Variants in PRSS16 observed in about 807,000 individuals in gnomAD.
PRSS16 encodes the protein serine protease 16.
In PRSS16, 43 loss-of-function variants were observed where a neutral mutation model predicts 61.7. That is an observed-to-expected ratio of 0.70 (90% CI 0.55 to 0.90). The LOEUF is 0.90. Among genes scored for constraint, PRSS16 ranks in the 40% least tolerant of loss-of-function variants. The pLI, the probability that PRSS16 is intolerant of heterozygous loss-of-function variation, is 0.00. For missense variants in PRSS16, 591 were observed against 659.1 expected (o/e 0.90, Z 1.13); for synonymous variants, 273 against 285.2 (o/e 0.96, Z 0.43).
chr6:27,248,728 A>T, intron 2 of PRSS16, 119 bp from the exon 3 acceptor site: 1 of 599,164 alleles, frequency 1.7e-6, no homozygotes. Flanking sequence ...AGCTCATTTC[A>T]GACACTGTTA....
At chr6:27,253,614 T>C (rs1397962428) in intron 9 of PRSS16, 12 of 300,150 alleles carry the variant, frequency 4.0e-5, no homozygotes, top group Non-Finnish European at 6.1e-5. Flanking sequence ...AACAGATTTT[T>C]TTTTAGTATA....
chr6:27,250,807 G>T lies in PRSS16; in HGVS notation c.591+1G>T, dbSNP rs1248573312. ...CTTGGCCGCCTGGGCCCGGCTGAAGGTCCTGCGACTCCTCCGGGTGGGCTG... is the reference window on the plus strand; with the variant it reads ...CTTGGCCGCCTGGGCCCGGCTGAAGTTCCTGCGACTCCTCCGGGTGGGCTG... On this transcript the variant is annotated splice_donor_variant, in intron 5 of 11. Transcript: ENST00000230582. LOFTEE classifies it high-confidence loss of function. 5.6e-6 allele frequency: 9 copies of T among 1,606,632 alleles called. No individual in the cohort carries two copies. Among genetic ancestry groups the T allele is most frequent in the African/African-American group, 1.3e-5 (1 of 74,776 alleles).
chr6:27,252,159 A>C lies in PRSS16; in HGVS notation c.1008+119A>C. ...TGAAACTTCGTTTTCTCATCTGTAA[A>C]ATGGGGATAACACTTCACAGGGCCG... is the stretch of plus-strand genomic sequence containing the variant. On this transcript the variant is annotated intron_variant, in intron 8 of 11. Transcript: ENST00000230582. This position sits in a 1 kb window ranked among gnomAD's most constrained non-coding sequence, Gnocchi z 4.2. 1 of 1,236,288 alleles carries C rather than the reference A, an allele frequency of 8.1e-7. No individual in the cohort carries two copies. 76.6% of individuals were successfully genotyped at this position (1,236,288 alleles called of 1,614,324 possible).
rs769589835 is a variant in PRSS16 at position 27,251,046 on chromosome 6, C to T, written c.596C>T (p.Pro199Leu). 1 of 1,613,964 alleles carries T rather than the reference C, an allele frequency of 6.2e-7. No individual in the cohort carries two copies. Among genetic ancestry groups the T allele is most frequent in the South Asian group, 1.1e-5 (1 of 91,084 alleles). Residue 199 changes from proline to leucine, a missense_variant, in exon 6 of 12, where the codon CCC becomes CTC. Transcript: ENST00000230582. This position sits in a 1 kb window ranked among gnomAD's most constrained non-coding sequence, Gnocchi z 5.6. ...TGACGGCGTCTCCTCCCTTAGTTCCCCCATCTCATTTTCGCGTCGGTCGCC... is the reference window on the plus strand; with the variant it reads ...TGACGGCGTCTCCTCCCTTAGTTCCTCCATCTCATTTTCGCGTCGGTCGCC... ...SLAAWARLKFPHLIFASVASS... is the reference protein window; with the variant it reads ...SLAAWARLKFLHLIFASVASS...
In PRSS16 at chr6:27,251,477, T is replaced by G; in HGVS notation, c.717+213T>G. ...GGCGCTCCCCAGAGAGGGCGGGGTT[T>G]GGGCAGGGACAATCCTATCCGGAGG... is the stretch of plus-strand genomic sequence containing the variant. On this transcript the variant is annotated intron_variant, in intron 7 of 11. Transcript: ENST00000230582. This position sits in a 1 kb window ranked among gnomAD's most constrained non-coding sequence, Gnocchi z 5.6. The G allele has an allele frequency of 1.3e-6, 1 of 747,468 alleles. No homozygotes were observed. 46.3% of individuals were successfully genotyped at this position (747,468 alleles called of 1,614,324 possible).
At position 27,251,315 on chromosome 6, in the gene PRSS16, G is replaced by C. The variant is rs1183864659; in HGVS notation, c.717+51G>C. On this transcript the variant is annotated intron_variant, in intron 7 of 11. Coordinates refer to ENST00000230582, the MANE Select transcript of PRSS16 (RefSeq NM_005865.4). The surrounding 1 kb of genome is among the most constrained non-coding windows in gnomAD (Gnocchi z 5.6). ...GGGACTGGGAGGGAAAAGAGGCCTC[G>C]GATGCCAGGGAAGAGGAGGCCAGAG... The C allele has an allele frequency of 6.5e-7, 1 of 1,545,620 alleles. No individual in the cohort carries two copies. The highest frequency in any genetic ancestry group is 8.7e-7 in the Non-Finnish European group (1 of 1,148,270).
Position 27,251,521 on chromosome 6 carries a change from G to A in PRSS16, c.718-229G>A. On this transcript the variant is annotated intron_variant, in intron 7 of 11. Coordinates refer to ENST00000230582, the MANE Select transcript of PRSS16 (RefSeq NM_005865.4). This position sits in a 1 kb window ranked among gnomAD's most constrained non-coding sequence, Gnocchi z 5.6. ...CCGGAGGTGAGGCTCAAGGTGGGGC[G>A]GGGCCACAATGGAGGACGGGGCCTG... The A allele has an allele frequency of 1.4e-6, 1 of 729,350 alleles. No individual in the cohort carries two copies. The highest frequency in any genetic ancestry group is 2.1e-5 in the South Asian group (1 of 48,558). The allele number at this position is 729,350 out of a possible 1,614,324, so 45.2% of individuals were successfully genotyped here.
In PRSS16 at chr6:27,251,051, C is replaced by G; in HGVS notation, c.601C>G (p.Leu201Val). ...GCGTCTCCTCCCTTAGTTCCCCCAT[C>G]TCATTTTCGCGTCGGTCGCCTCCTC... ...AAWARLKFPH[L>V]IFASVASSAP... Residue 201 changes from leucine (L) to valine (V), a missense_variant, in exon 6 of 12, where the codon CTC (leucine) becomes GTC (valine). Coordinates refer to ENST00000230582, the MANE Select transcript of PRSS16 (RefSeq NM_005865.4). The surrounding 1 kb of genome is among the most constrained non-coding windows in gnomAD (Gnocchi z 5.6). 1 of 1,613,996 alleles carries G rather than the reference C, an allele frequency of 6.2e-7. No homozygotes were observed. The highest frequency in any genetic ancestry group is 8.5e-7 in the Non-Finnish European group (1 of 1,180,052).
rs965043796 is a variant in PRSS16 at position 27,249,367 on chromosome 6, T to C, written c.467+138T>C. ...TGGTTCCCTCTGTTTTCTTCTGTGT[T>C]TCATAGGGTCTTGTTTTTTCTCTTT... On this transcript the variant is annotated intron_variant, in intron 4 of 11. Coordinates refer to ENST00000230582, the MANE Select transcript of PRSS16 (RefSeq NM_005865.4). The C allele has an allele frequency of 1.5e-5, 17 of 1,139,570 alleles. No homozygotes were observed. The African/African-American group carries it at 1.9e-4, about 13-fold the overall frequency. The allele number at this position is 1,139,570 out of a possible 1,614,324, so 70.6% of individuals were successfully genotyped here.
chr6:27,252,704 C>T lies in PRSS16; in HGVS notation c.1009-104C>T, dbSNP rs1451397018. On this transcript the variant is annotated intron_variant, in intron 8 of 11. Coordinates refer to ENST00000230582, the MANE Select transcript of PRSS16 (RefSeq NM_005865.4). This position sits in a 1 kb window ranked among gnomAD's most constrained non-coding sequence, Gnocchi z 4.2. ...TCCCAGGAGAACTCAGGAACTCACC[C>T]TTCTATTTCTGACTTTTGACCTCTG... is the stretch of plus-strand genomic sequence containing the variant. 3.2e-5 allele frequency: 42 copies of T among 1,304,210 alleles called. No homozygotes were observed. The highest frequency in any genetic ancestry group is 4.3e-5 in the Non-Finnish European group (40 of 932,086). 80.8% of individuals were successfully genotyped at this position (1,304,210 alleles called of 1,614,324 possible).
Position 27,251,618 on chromosome 6 carries a change from C to A in PRSS16, c.718-132C>A. 1 of 1,025,822 alleles carries A rather than the reference C, an allele frequency of 9.7e-7. No individual in the cohort carries two copies. Among genetic ancestry groups the A allele is most frequent in the Non-Finnish European group, 1.3e-6 (1 of 742,328 alleles). 63.5% of individuals were successfully genotyped at this position (1,025,822 alleles called of 1,614,324 possible). ...GGGGGCCTGGGGGCGGGGGCCTGGG[C>A]CAAGAGCTAGGTCTGCACCCTCTGA... On this transcript the variant is annotated intron_variant, in intron 7 of 11. Transcript: ENST00000230582. This position sits in a 1 kb window ranked among gnomAD's most constrained non-coding sequence, Gnocchi z 5.6.
Position 27,250,869 on chromosome 6 carries a change from G to C in PRSS16, c.591+63G>C. 3 of 1,565,984 alleles carry C rather than the reference G, an allele frequency of 1.9e-6. No individual in the cohort carries two copies. The South Asian group carries it at 3.6e-5, about 19-fold the overall frequency. ...CTCGGACTCCAGGGCCCCAGTCTCA[G>C]ATAATAGGAATACCCTCCCACCACG... On this transcript the variant is annotated intron_variant, in intron 5 of 11. Transcript: ENST00000230582.
chr6:27,254,511 C>A, intron 9 of PRSS16, 182 bp from the exon 10 acceptor site: 1 of 617,642 alleles, frequency 1.6e-6, no homozygotes, highest in Non-Finnish European at 2.8e-6. Context: ...CCATCACAGC[C>A]CTGATCACTG....
chr6:27,253,321 C>T, intron 9 of PRSS16: 1 of 333,636 alleles, frequency 3.0e-6, no homozygotes, highest in East Asian at 7.3e-5. Context: ...CCTCACTCTG[C>T]ATGGACAACT....
chr6:27,251,046 C>CGA lies in PRSS16; in HGVS notation c.596_597insGA (p.His200ThrfsTer31), dbSNP rs1759876696. ...TGACGGCGTCTCCTCCCTTAGTTCC[C>CGA]CCATCTCATTTTCGCGTCGGTCGCC... On this transcript the variant is annotated frameshift_variant, in exon 6 of 12. Transcript: ENST00000230582. LOFTEE classifies it high-confidence loss of function. The surrounding 1 kb of genome is among the most constrained non-coding windows in gnomAD (Gnocchi z 5.6). 1 of 1,613,846 alleles carries CGA rather than the reference C, an allele frequency of 6.2e-7. No individual in the cohort carries two copies. The highest frequency in any genetic ancestry group is 1.3e-5 in the African/African-American group (1 of 74,952).
Position 27,249,178 on chromosome 6 carries a change from C to A in PRSS16, c.416C>A (p.Pro139His), listed in dbSNP as rs771491647. The change falls in exon 4 of 12, where the codon CCT (proline) becomes CAT (histidine). Residue 139 changes from proline to histidine, a missense_variant. Coordinates refer to ENST00000230582, the MANE Select transcript of PRSS16 (RefSeq NM_005865.4). ...CACAGATTTTATGGCCTGAGTATAC[C>A]TGCTGGAGGCCTGGAAATGGCCCAG... ...LEHRFYGLSI[P>H]AGGLEMAQLR... is the part of the protein sequence containing the mutation. 1.9e-6 allele frequency: 3 copies of A among 1,613,500 alleles called. No homozygotes were observed. The highest frequency in any genetic ancestry group is 4.5e-5 in the East Asian group (2 of 44,830).
At chr6:27,254,068 C>T (rs549745876) in intron 9 of PRSS16, 1 of 152,820 alleles carries the variant, frequency 6.5e-6, no homozygotes, top group Non-Finnish European at 1.5e-5. Context: ...TCTGTGTTCT[C>T]CTTAGCATTT....
At position 27,252,016 on chromosome 6, in the gene PRSS16, C is replaced by T. The variant is rs931170633; in HGVS notation, c.984C>T (p.Tyr328=). ...GCAACCGCAGCCACTCCACGCCCTA[C>T]TGCGGGCTTCGTCGGGCGGTGCAGG... ...GGGNRSHSTP[Y]CGLRRAVQIV... The change falls in exon 8 of 12, where the codon TAC becomes TAT. Residue 328 remains tyrosine, a synonymous_variant. Coordinates refer to ENST00000230582, the MANE Select transcript of PRSS16 (RefSeq NM_005865.4). The surrounding 1 kb of genome is among the most constrained non-coding windows in gnomAD (Gnocchi z 4.2). The T allele has an allele frequency of 5.8e-6, 9 of 1,553,290 alleles. No individual in the cohort carries two copies. Among genetic ancestry groups the T allele is most frequent in the Middle Eastern group, 1.7e-4 (1 of 5,864 alleles).
chr6:27,253,306 GTCC>G, intron 9 of PRSS16: 1 of 334,112 alleles, frequency 3.0e-6, no homozygotes, highest in South Asian at 2.7e-5. Flanking sequence ...CAATTACTGA[GTCC>G]TCCTCACTCT....
Sources: allele counts gnomAD v4.1 joint callset, GRCh38; gene constraint gnomAD v4.1.1; non-coding constraint Gnocchi (gnomAD v3.1); transcripts MANE v1.5; gene names NCBI Gene and HGNC (gene_info 2026-07-23, HGNC 2026-07-21).